The following ATP9B variants were observed in gnomAD, a reference collection of about 807,000 sequenced individuals.
ATP9B encodes the protein probable phospholipid-transporting ATPase IIB.
ATP9B carries 110 observed loss-of-function variants against 146.1 expected under a neutral mutation model. The observed-to-expected ratio is 0.75, with a 90% CI of 0.65 to 0.88. The LOEUF is 0.88. ATP9B is among the 40% of genes least tolerant of loss of function. The pLI is 0.00. For missense variants in ATP9B, 1,499 were observed against 1,496.4 expected, an observed-to-expected ratio of 1.00 and a Z score of -0.03; for synonymous variants, 604 against 569.7, an observed-to-expected ratio of 1.06 and a Z score of -0.86.
intron 26 of ATP9B, among the ~76,000 whole-genome samples, chr18:79,371,370 TAAAAAAAAAAAAAAAA>T (rs59110010): frequency 1.9e-4 from 19 of 98,086 alleles, no homozygotes; most frequent in African/African-American, 6.5e-4. Context: ...GACTCCGTCT[TAAAAAAAAAAAAAAAA>T]AAAAAAAAAA....
At chr18:79,213,088 A>G (rs890246501) in intron 10 of ATP9B, among the ~76,000 whole-genome samples, 2 of 152,154 alleles carry the variant, frequency 1.3e-5, no homozygotes, top group Non-Finnish European at 2.9e-5. Context: ...TTTACATGTT[A>G]AGTTAATGTG....
intron 8 of ATP9B, among the ~76,000 whole-genome samples, chr18:79,187,399 GGTGA>G (rs1483723349): frequency 7.2e-5 from 11 of 152,190 alleles, no homozygotes; most frequent in Admixed American, 2.0e-4. Context: ...GGAAAGGCCT[GGTGA>G]GTACTTGGAC....
intron 6 of ATP9B, among the ~76,000 whole-genome samples, chr18:79,152,634 G>A (rs2094708562): frequency 6.6e-6 from 1 of 152,258 alleles, no homozygotes; most frequent in South Asian, 2.1e-4. Context: ...AATTCAGTGG[G>A]GAAAGAACTT....
chr18:79,359,028 G>C (rs1338434504), intron 25 of ATP9B, among the ~76,000 whole-genome samples: 1 of 152,066 alleles, frequency 6.6e-6, no homozygotes, highest in East Asian at 1.9e-4. Flanking sequence ...TTACCATTGG[G>C]AGAACTGGGT....
intron 5 of ATP9B, among the ~76,000 whole-genome samples, chr18:79,134,027 CTG>C (rs752964393): frequency 7.9e-4 from 120 of 152,362 alleles, no homozygotes; most frequent in Non-Finnish European, 1.2e-3. Flanking sequence ...AAAAGTGCAT[CTG>C]ATGCCATTTT....
chr18:79,349,988 G>T (rs1333262549), intron 25 of ATP9B, among the ~76,000 whole-genome samples: 3 of 149,208 alleles, frequency 2.0e-5, no homozygotes, highest in Non-Finnish European at 4.5e-5. Context: ...CAAGGACAAG[G>T]CACAAGGTAT....
At chr18:79,366,398 G>T (rs1220141205) in intron 26 of ATP9B, among the ~76,000 whole-genome samples, 1 of 152,228 alleles carries the variant, frequency 6.6e-6, no homozygotes, top group Non-Finnish European at 1.5e-5. Flanking sequence ...CTTGGGAAAG[G>T]CGTTTGACTG....
chr18:79,075,018 A>G (rs1038856640), intron 1 of ATP9B, among the ~76,000 whole-genome samples: 1 of 151,388 alleles, frequency 6.6e-6, no homozygotes, highest in Non-Finnish European at 1.5e-5. Flanking sequence ...GTTGATTATT[A>G]CCTTTTAGTT....
chr18:79,312,528 C>T (rs1397179526), intron 15 of ATP9B, among the ~76,000 whole-genome samples: 1 of 152,194 alleles, frequency 6.6e-6, no homozygotes, highest in African/African-American at 2.4e-5. Flanking sequence ...GGGTGGGCAT[C>T]CCTCTCCGTG....
chr18:79,123,033 G>A (rs963945945), intron 4 of ATP9B, among the ~76,000 whole-genome samples: 21 of 152,134 alleles, frequency 1.4e-4, no homozygotes, highest in Non-Finnish European at 2.8e-4. Context: ...TTAGGAACAA[G>A]GGTGTTTGCT....
At chr18:79,191,894 T>C (rs2095370245) in intron 8 of ATP9B, among the ~76,000 whole-genome samples, 1 of 152,198 alleles carries the variant, frequency 6.6e-6, no homozygotes, top group Non-Finnish European at 1.5e-5. Flanking sequence ...TTTTAAATGA[T>C]TCATTGTAGA....
intron 15 of ATP9B, among the ~76,000 whole-genome samples, chr18:79,312,025 C>CT (rs1243520682): frequency 6.6e-6 from 1 of 152,242 alleles, no homozygotes; most frequent in Non-Finnish European, 1.5e-5. Context: ...CGAGACCTCT[C>CT]TGAGTAACTC....
At chr18:79,157,655 T>G (rs916102345) in intron 7 of ATP9B, among the ~76,000 whole-genome samples, 13 of 152,182 alleles carry the variant, frequency 8.5e-5, no homozygotes, top group Admixed American at 3.3e-4. Context: ...CTAATTCAGT[T>G]TCTTTACTTG....
chr18:79,336,693 G>C lies in ATP9B; in HGVS notation c.2094G>C (p.Glu698Asp). ...TTGCAAAGAAGGCGTTGACAGAGGA[G>C]CAGTACCAGGACTTTGAGGTGAGCC... The part of the protein sequence containing the change: ...LVVAKKALTE[E>D]QYQDFESRYT... Residue 698 changes from glutamate (E) to aspartate (D), a missense_variant, in exon 18 of 30, where the codon GAG becomes GAC. By Grantham distance (45) the Glu-to-Asp change is conservative (BLOSUM62 2). Coordinates refer to ENST00000426216, the MANE Select transcript of ATP9B (RefSeq NM_198531.5). 1 of 1,613,946 alleles carries C rather than the reference G, an allele frequency of 6.2e-7. No homozygotes were observed. Among genetic ancestry groups the C allele is most frequent in the Non-Finnish European group, 8.5e-7 (1 of 1,179,962 alleles).
intron 12 of ATP9B, among the ~76,000 whole-genome samples, chr18:79,256,257 C>CAA (rs1262664506): frequency 1.0e-5 from 1 of 100,398 alleles, no homozygotes; most frequent in Admixed American, 1.0e-4. Flanking sequence ...TTCTAGCTAG[C>CAA]TATATATATA....
intron 13 of ATP9B, among the ~76,000 whole-genome samples, chr18:79,294,086 T>G (rs2096530307): frequency 2.0e-5 from 3 of 152,146 alleles, no homozygotes; most frequent in Admixed American, 6.5e-5. Context: ...ACTAAAGCAC[T>G]GGATTAAAAT....
rs552808393 is a variant in ATP9B, at chr18:79,185,002, A to G, written c.873+8095A>G. Among the ~76,000 whole-genome samples the G allele has an allele frequency of 5.3e-5, 8 of 152,074 alleles. No homozygotes were observed. The South Asian group carries it at 1.5e-3, about 28-fold the overall frequency. ...TGTCTGAAAAAAAAAAACCCAAAAA[A>G]TCCAGCCAAGCAAGGATGTCGGTAC... On this transcript the variant is annotated intron_variant, in intron 8 of 29. Coordinates refer to ENST00000426216, the MANE Select transcript of ATP9B (RefSeq NM_198531.5).
At chr18:79,173,733 G>A (rs1235413190) in intron 7 of ATP9B, 1 of 455,810 alleles carries the variant, frequency 2.2e-6, no homozygotes, top group East Asian at 7.0e-5. Context: ...GCAGCCATCT[G>A]GTAAGTCTTA....
rs192947052 is a variant in ATP9B at position 79,126,139 on chromosome 18, G to T, written c.559-128G>T. On this transcript the variant is annotated intron_variant, in intron 4 of 29. Coordinates refer to ENST00000426216, the MANE Select transcript of ATP9B (RefSeq NM_198531.5). The stretch of plus-strand genomic sequence containing the variant: ...TTCATTGTTACTTTTTGACTTTTTT[G>T]GTTTTCATTTATTTTATGTTTTAGA... The T allele has an allele frequency of 3.1e-4, 214 of 687,200 alleles. 2 individuals are homozygous for T. In the African/African-American group the frequency reaches 3.6e-3, roughly 11 times the overall value. The allele number at this position is 687,200 out of a possible 1,614,324, so 42.6% of individuals were successfully genotyped here. A position where few individuals can be genotyped will look rare whatever the true frequency, so the allele number is the denominator to read the frequency against.
Sources: gnomAD v4.1 joint callset for allele counts (sites outside exome capture counted in the v4.1 genomes callset) on GRCh38, gnomAD v4.1.1 for gene constraint, MANE v1.5 for transcripts, NCBI Gene and HGNC (gene_info 2026-07-23, HGNC 2026-07-21) for gene names.